CNTN4: variants seen among roughly 807,000 people sequenced by gnomAD.
The protein encoded by CNTN4 is contactin-4.
Under a neutral mutation model 122.5 loss-of-function variants are expected in CNTN4, and 77 were observed. The observed-to-expected ratio is 0.63, with a 90% CI of 0.52 to 0.76. CNTN4 has a LOEUF of 0.76. Among genes scored for constraint, CNTN4 ranks in the 30% least tolerant of loss-of-function variants. The probability of loss-of-function intolerance (pLI) is 0.00; values close to 1 mark genes in which losing one functional copy is unlikely to be tolerated. For synonymous variants in CNTN4, 512 were observed against 447.0 expected (o/e 1.15, Z -1.83); for missense variants, 1,256 against 1,259.1 (o/e 1.00, Z 0.04).
intron 4 of CNTN4, among the ~76,000 whole-genome samples, chr3:2,616,802 A>G (rs934180922): frequency 6.6e-6 from 1 of 152,192 alleles, no homozygotes; most frequent in Admixed American, 6.5e-5. Flanking sequence ...CATATAGACC[A>G]ATGGAACAGA....
chr3:2,979,453 A>G (rs768041126), intron 13 of CNTN4, among the ~76,000 whole-genome samples: 1 of 152,200 alleles, frequency 6.6e-6, no homozygotes, highest in Non-Finnish European at 1.5e-5. Flanking sequence ...TATTTTAACT[A>G]TGTTTGGGAT....
At chr3:2,451,451 A>G (rs1246581125) in intron 3 of CNTN4, among the ~76,000 whole-genome samples, 1 of 144,644 alleles carries the variant, frequency 6.9e-6, no homozygotes, top group Non-Finnish European at 1.5e-5. Flanking sequence ...GAGGTCTTAA[A>G]AAAAAAAAAA....
intron 2 of CNTN4, among the ~76,000 whole-genome samples, chr3:2,234,952 T>C (rs1575139624): frequency 1.3e-5 from 2 of 152,282 alleles, no homozygotes; most frequent in South Asian, 4.1e-4. Flanking sequence ...TTACTTGCTT[T>C]GAACAGTATT....
intron 3 of CNTN4, among the ~76,000 whole-genome samples, chr3:2,556,524 C>A (rs1319149429): frequency 6.6e-6 from 1 of 152,022 alleles, no homozygotes; most frequent in African/African-American, 2.4e-5. Flanking sequence ...TTTTTATAAA[C>A]AAGTAGGGTT....
chr3:2,280,649 C>G (rs915089390), intron 2 of CNTN4, among the ~76,000 whole-genome samples: 2 of 152,082 alleles, frequency 1.3e-5, no homozygotes, highest in Admixed American at 6.6e-5. Context: ...CAGCAAAATA[C>G]CACAATAAAA....
At chr3:3,003,074 A>G (rs1471719800) in intron 14 of CNTN4, among the ~76,000 whole-genome samples, 1 of 152,148 alleles carries the variant, frequency 6.6e-6, no homozygotes, top group Admixed American at 6.5e-5. Context: ...TTTACACAGT[A>G]TGGCCACCAA....
chr3:2,671,635 G>C (rs2084520359), intron 4 of CNTN4, among the ~76,000 whole-genome samples: 1 of 152,194 alleles, frequency 6.6e-6, no homozygotes, highest in African/African-American at 2.4e-5. Flanking sequence ...CTGGTGAGGA[G>C]CTGCGTTCCT....
chr3:2,125,334 G>GTT (rs1056859423), intron 2 of CNTN4, among the ~76,000 whole-genome samples: 1 of 141,434 alleles, frequency 7.1e-6, no homozygotes, highest in African/African-American at 2.6e-5. Context: ...TATTCTCTGT[G>GTT]TGTGTGTGTG....
At chr3:2,819,624 T>C (rs746320849) in intron 7 of CNTN4, 43 bp downstream of exon 7, 33 of 1,375,918 alleles carry the variant, frequency 2.4e-5, no homozygotes, top group Non-Finnish European at 3.2e-5. Flanking sequence ...CACTCTCTGT[T>C]ATTTTTCTTC....
intron 6 of CNTN4, among the ~76,000 whole-genome samples, chr3:2,804,726 T>C (rs1209950522): frequency 6.6e-6 from 1 of 152,186 alleles, no homozygotes; most frequent in East Asian, 1.9e-4. Flanking sequence ...CACACCCACA[T>C]ATTTTGAGCA....
chr3:2,469,928 T>C (rs1353460309), intron 3 of CNTN4, among the ~76,000 whole-genome samples: 6 of 152,230 alleles, frequency 3.9e-5, no homozygotes, highest in East Asian at 3.8e-4. Flanking sequence ...AGTGTTTATA[T>C]GTGAGATAAA....
chr3:2,598,074 A>AT (rs2080856662), intron 4 of CNTN4, among the ~76,000 whole-genome samples: 1 of 152,084 alleles, frequency 6.6e-6, no homozygotes. Flanking sequence ...TTACCGGGCT[A>AT]TTTTGAGGTT....
intron 13 of CNTN4, among the ~76,000 whole-genome samples, chr3:2,963,837 G>T (rs887787568): frequency 6.6e-6 from 1 of 152,100 alleles, no homozygotes; most frequent in Non-Finnish European, 1.5e-5. Context: ...GGCATTATTT[G>T]TCTTATTTAT....
intron 3 of CNTN4, among the ~76,000 whole-genome samples, chr3:2,565,068 C>T (rs916445135): frequency 5.3e-5 from 8 of 152,034 alleles, no homozygotes; most frequent in African/African-American, 1.9e-4. Context: ...CCTCAAGGTC[C>T]TCTTTAATGT....
At chr3:2,230,395 A>G (rs1234370103) in intron 2 of CNTN4, among the ~76,000 whole-genome samples, 2 of 152,172 alleles carry the variant, frequency 1.3e-5, no homozygotes, top group Admixed American at 6.6e-5. Flanking sequence ...GGGACTCAGA[A>G]GGTTTAGGTG....
intron 18 of CNTN4, 48 bp from the exon 19 acceptor site, chr3:3,038,885 A>G (rs766183763): frequency 6.4e-7 from 1 of 1,551,594 alleles, no homozygotes; most frequent in African/African-American, 1.4e-5. Context: ...CCTGGCCCTC[A>G]TTCGCCTTTG....
chr3:2,655,193 A>G (rs1400757108), intron 4 of CNTN4, among the ~76,000 whole-genome samples: 1 of 152,178 alleles, frequency 6.6e-6, no homozygotes, highest in African/African-American at 2.4e-5. Context: ...CAGAATCTTA[A>G]TAAGGAGCCT....
At chr3:2,640,991 G>A (rs1026696265) in intron 4 of CNTN4, among the ~76,000 whole-genome samples, 7 of 152,306 alleles carry the variant, frequency 4.6e-5, no homozygotes, top group African/African-American at 1.7e-4. Flanking sequence ...AAAAAAATTG[G>A]AGGGAGGTCA....
At chr3:2,191,745 T>C (rs2037562715) in intron 2 of CNTN4, among the ~76,000 whole-genome samples, 1 of 151,860 alleles carries the variant, frequency 6.6e-6, no homozygotes, top group African/African-American at 2.4e-5. Flanking sequence ...TATATATTTA[T>C]TATACTTTAA....
Sources: gnomAD v4.1 joint callset for allele counts (sites outside exome capture counted in the v4.1 genomes callset) on GRCh38, gnomAD v4.1.1 for gene constraint, MANE v1.5 for transcripts, NCBI Gene and HGNC (gene_info 2026-07-23, HGNC 2026-07-21) for gene names.